The following TP63 variants were observed in gnomAD, a reference collection of about 807,000 sequenced individuals.
TP63 encodes the protein tumor protein 63.
A neutral mutation model predicts 82.8 loss-of-function variants in TP63; 17 were observed. That is an observed-to-expected ratio of 0.21 (90% CI 0.14 to 0.31). The LOEUF is 0.31. Ranked by LOEUF, TP63 falls within the 10% of genes least tolerant of loss-of-function variation. TP63 has a pLI of 1.00. For missense variants in TP63, 648 were observed against 895.3 expected, an observed-to-expected ratio of 0.72 and a Z score of 3.52; for synonymous variants, 330 against 321.7, an observed-to-expected ratio of 1.03 and a Z score of -0.28.
chr3:189,768,938 C>A (rs1222353143), intron 3 of TP63, among the ~76,000 whole-genome samples: 3 of 152,106 alleles, frequency 2.0e-5, no homozygotes, highest in Admixed American at 6.6e-5. Context: ...AGGGTCAGAA[C>A]AAAAGCAAAT....
chr3:189,873,862 A>G (rs781222982), intron 10 of TP63, among the ~76,000 whole-genome samples: 2 of 152,214 alleles, frequency 1.3e-5, no homozygotes, highest in Non-Finnish European at 2.9e-5. Context: ...GAGACTCTGT[A>G]GATAAGTGTA....
At position 189,736,361 on chromosome 3, in the gene TP63, A is replaced by G. The variant is rs554314221; in HGVS notation, c.63-1379A>G. On this transcript the variant is annotated intron_variant, in intron 1 of 13. Coordinates refer to ENST00000264731, the MANE Select transcript of TP63 (RefSeq NM_003722.5). ...AGAGATGCTTGTGATTTTCTCACACATACCAGGCTATTTTCCATTATAGTG... is the reference window on the plus strand; with the variant it reads ...AGAGATGCTTGTGATTTTCTCACACGTACCAGGCTATTTTCCATTATAGTG... Among the ~76,000 whole-genome samples, 157 of 152,154 alleles carry G rather than the reference A, an allele frequency of 1.0e-3. 1 individual carries two copies. Among genetic ancestry groups the G allele is most frequent in the Admixed American group, 8.6e-3 (132 of 15,280 alleles).
intron 1 of TP63, among the ~76,000 whole-genome samples, chr3:189,632,292 A>C (rs560088930): frequency 2.8e-4 from 43 of 152,276 alleles, no homozygotes; most frequent in Non-Finnish European, 4.4e-4. Context: ...GTTTAACAGC[A>C]TGAGATTTCG....
At chr3:189,655,472 A>G (rs1349519023) in intron 1 of TP63, among the ~76,000 whole-genome samples, 1 of 152,118 alleles carries the variant, frequency 6.6e-6, no homozygotes, top group Non-Finnish European at 1.5e-5. Context: ...TAAAAATACA[A>G]AAATTAGCTG....
intron 4 of TP63, among the ~76,000 whole-genome samples, chr3:189,835,377 A>G (rs182432000): frequency 3.3e-5 from 5 of 152,348 alleles, no homozygotes; most frequent in African/African-American, 1.2e-4. Flanking sequence ...ACTGGGAATA[A>G]CTGTATCGTT....
At chr3:189,831,533 G>A (rs1457959452) in intron 4 of TP63, among the ~76,000 whole-genome samples, 2 of 151,374 alleles carry the variant, frequency 1.3e-5, no homozygotes, top group African/African-American at 2.4e-5. Context: ...ATGAGGACAC[G>A]GAAGCTCACA....
At chr3:189,889,518 C>G (rs1720803240) in intron 12 of TP63, 34 bp downstream of exon 12, 1 of 1,614,078 alleles carries the variant, frequency 6.2e-7, no homozygotes, top group Non-Finnish European at 8.5e-7. Context: ...GGGGGCCTGC[C>G]CTAAGCATCC....
the TP63 span, among the ~76,000 whole-genome samples, chr3:189,622,907 T>G: frequency 6.6e-6 from 1 of 152,258 alleles, no homozygotes; most frequent in African/African-American, 2.4e-5. Context: ...TTCTGTACGA[T>G]AAACCACGAT....
chr3:189,868,038 C>A, intron 7 of TP63, 96 bp downstream of exon 7: 3 of 973,304 alleles, frequency 3.1e-6, no homozygotes, highest in Non-Finnish European at 4.8e-6. Flanking sequence ...TTTGCATGTG[C>A]AGCGGAGAGC....
chr3:189,763,746 C>T (rs1251449096), intron 3 of TP63, among the ~76,000 whole-genome samples: 4 of 152,132 alleles, frequency 2.6e-5, no homozygotes, highest in Admixed American at 2.6e-4. Flanking sequence ...AATGGTGATG[C>T]TTAGAGCTAA....
chr3:189,856,002 G>A (rs1716248184), intron 4 of TP63, among the ~76,000 whole-genome samples: 1 of 151,774 alleles, frequency 6.6e-6, no homozygotes, highest in Admixed American at 6.6e-5. Flanking sequence ...CACCCAAAGA[G>A]CTGCTGGAAA....
the TP63 span, among the ~76,000 whole-genome samples, chr3:189,609,098 C>T: frequency 5.7e-4 from 86 of 152,176 alleles, no homozygotes; most frequent in African/African-American, 2.0e-3. Flanking sequence ...AATTCACAAC[C>T]GCTGTGGGCA....
In TP63 at chr3:189,692,323, C is replaced by T. The variant is rs551044653; in HGVS notation, c.63-45417C>T. Among the ~76,000 whole-genome samples, 7 of 151,516 alleles carry T rather than the reference C, an allele frequency of 4.6e-5. No homozygotes were observed. In the South Asian group the frequency reaches 1.5e-3, roughly 32 times the overall value. On this transcript the variant is annotated intron_variant, in intron 1 of 13. Coordinates refer to ENST00000264731, the MANE Select transcript of TP63 (RefSeq NM_003722.5). ...TTTTTCTTTTATTTTCTCCTCTTTC[C>T]CTCTGTTCTCTATTTCTTTCTTCTT...
intron 4 of TP63, among the ~76,000 whole-genome samples, chr3:189,846,646 C>G (rs924514373): frequency 3.6e-4 from 43 of 120,514 alleles, no homozygotes; most frequent in African/African-American, 1.2e-3. Flanking sequence ...GTGTGTGTGT[C>G]ATCAGAAAGA....
Position 189,724,821 on chromosome 3 carries a change from CCGGGAA to C in TP63, c.63-12914_63-12909del, listed in dbSNP as rs1455074576. On this transcript the variant is annotated intron_variant, in intron 1 of 13. Coordinates refer to ENST00000264731, the MANE Select transcript of TP63 (RefSeq NM_003722.5). ...CTGTTCCAGGCCTTGGGGGATGCAT[CCGGGAA>C]CGGGGCAATCAGCTCATGTTAAGCT... 3.9e-5 allele frequency among the ~76,000 whole-genome samples: 6 copies of C among 152,264 alleles called. No homozygotes were observed. In the South Asian group the frequency reaches 1.2e-3, roughly 32 times the overall value.
At chr3:189,780,297 T>C (rs1379922010) in intron 3 of TP63, among the ~76,000 whole-genome samples, 1 of 152,208 alleles carries the variant, frequency 6.6e-6, no homozygotes, top group Non-Finnish European at 1.5e-5. Flanking sequence ...TAAGCTCTTA[T>C]TACCCAGCCC....
intron 10 of TP63, 58 bp from the exon 11 acceptor site, chr3:189,886,336 A>T: frequency 6.3e-7 from 1 of 1,578,380 alleles, no homozygotes; most frequent in Non-Finnish European, 8.7e-7. Flanking sequence ...TTGAAAATCA[A>T]TAGTCCCCAC....
intron 3 of TP63, chr3:189,789,937 A>G (rs1284737668): frequency 8.8e-6 from 11 of 1,255,628 alleles, no homozygotes; most frequent in Admixed American, 6.8e-5. Context: ...CGGTCACCCA[A>G]TGTAATGTTT....
chr3:189,761,869 A>G (rs1244364982), intron 3 of TP63, among the ~76,000 whole-genome samples: 1 of 152,198 alleles, frequency 6.6e-6, no homozygotes, highest in African/African-American at 2.4e-5. Flanking sequence ...TCTTATGTGG[A>G]TGGCAGCAGG....
Sources: gnomAD v4.1 joint callset for allele counts (sites outside exome capture counted in the v4.1 genomes callset) on GRCh38, gnomAD v4.1.1 for gene constraint, MANE v1.5 for transcripts, NCBI Gene and HGNC (gene_info 2026-07-23, HGNC 2026-07-21) for gene names.